The following PABPC4L variants were observed in gnomAD, a reference collection of about 807,000 sequenced individuals.
PABPC4L encodes poly(A) binding protein cytoplasmic 4 like.
For missense variants in PABPC4L, 452 were observed against 451.4 expected, an observed-to-expected ratio of 1.00 and a Z score of -0.01; for synonymous variants, 169 against 164.1, an observed-to-expected ratio of 1.03 and a Z score of -0.23.
chr4:134,011,577 G>T, the PABPC4L span, among the ~76,000 whole-genome samples: 1 of 151,748 alleles, frequency 6.6e-6, no homozygotes, highest in Non-Finnish European at 1.5e-5. Context: ...TCTTAATATA[G>T]GTATATTATT....
chr4:134,094,588 A>G, the PABPC4L span, among the ~76,000 whole-genome samples: 1 of 151,906 alleles, frequency 6.6e-6, no homozygotes, highest in African/African-American at 2.4e-5. Context: ...TTTTCTTAAC[A>G]TAAGGATTAA....
At chr4:134,032,872 G>A in the PABPC4L span, among the ~76,000 whole-genome samples, 1 of 151,878 alleles carries the variant, frequency 6.6e-6, no homozygotes, top group South Asian at 2.1e-4. Context: ...TTTTTATGCT[G>A]TGACCATTAC....
At chr4:134,195,938 G>C (rs1729642267), downstream of PABPC4L, among the ~76,000 whole-genome samples, 1 of 151,412 alleles carries the variant, frequency 6.6e-6, no homozygotes, top group Admixed American at 6.6e-5. Context: ...TTCTACTTTT[G>C]AAAGTGTAGA....
chr4:134,188,246 A>C, the PABPC4L span, among the ~76,000 whole-genome samples: 1 of 152,140 alleles, frequency 6.6e-6, no homozygotes, highest in Non-Finnish European at 1.5e-5. Flanking sequence ...TATGCCCATG[A>C]AGTGGGTAAT....
the PABPC4L span, among the ~76,000 whole-genome samples, chr4:134,050,115 G>T: frequency 6.6e-6 from 1 of 152,038 alleles, no homozygotes; most frequent in Admixed American, 6.6e-5. Flanking sequence ...AAGCAGAGAA[G>T]ATTAAGAAAA....
the PABPC4L span, among the ~76,000 whole-genome samples, chr4:134,152,683 G>C: frequency 6.6e-6 from 1 of 152,066 alleles, no homozygotes; most frequent in Non-Finnish European, 1.5e-5. Flanking sequence ...CACATTTTCA[G>C]GTATCTTTAC....
chr4:134,070,520 T>C, the PABPC4L span, among the ~76,000 whole-genome samples: 1 of 151,632 alleles, frequency 6.6e-6, no homozygotes, highest in Middle Eastern at 3.2e-3. Flanking sequence ...GGTGGCATAG[T>C]GGGGTGGAGG....
At chr4:134,075,024 G>T in the PABPC4L span, among the ~76,000 whole-genome samples, 1 of 152,150 alleles carries the variant, frequency 6.6e-6, no homozygotes, top group Admixed American at 6.6e-5. Flanking sequence ...CTTGGGGAGG[G>T]AGAAAAATGA....
the PABPC4L span, among the ~76,000 whole-genome samples, chr4:134,062,338 T>C: frequency 3.3e-5 from 5 of 152,052 alleles, no homozygotes; most frequent in Admixed American, 2.6e-4. Flanking sequence ...ATTCATTTCC[T>C]AATCCTGTTA....
the PABPC4L span, among the ~76,000 whole-genome samples, chr4:134,138,482 A>AG: frequency 6.6e-6 from 1 of 151,746 alleles, no homozygotes; most frequent in Non-Finnish European, 1.5e-5. Context: ...ATGAAAAAGG[A>AG]GGACTATTTT....
At chr4:134,117,407 A>T in the PABPC4L span, among the ~76,000 whole-genome samples, 1 of 151,798 alleles carries the variant, frequency 6.6e-6, no homozygotes. Flanking sequence ...TGATAACTAC[A>T]TGGAATGATA....
At chr4:134,155,574 T>C in the PABPC4L span, among the ~76,000 whole-genome samples, 2 of 152,150 alleles carry the variant, frequency 1.3e-5, no homozygotes, top group East Asian at 3.9e-4. Context: ...ATAAATAATT[T>C]TTATTTTCAT....
At chr4:134,084,879 C>T in the PABPC4L span, among the ~76,000 whole-genome samples, 1 of 151,886 alleles carries the variant, frequency 6.6e-6, no homozygotes, top group South Asian at 2.1e-4. Context: ...AGATTAGGCT[C>T]ACAAACACAT....
At chr4:134,098,245 A>C in the PABPC4L span, among the ~76,000 whole-genome samples, 1 of 151,780 alleles carries the variant, frequency 6.6e-6, no homozygotes, top group Non-Finnish European at 1.5e-5. Context: ...CTTTATATGA[A>C]TATAGTGTAA....
the PABPC4L span, among the ~76,000 whole-genome samples, chr4:134,057,825 C>T: frequency 6.6e-6 from 1 of 152,126 alleles, no homozygotes; most frequent in East Asian, 1.9e-4. Context: ...TTCTACCTTT[C>T]AGTCTTCTAG....
Position 134,200,519 on chromosome 4 carries a change from C to T in PABPC4L, c.501G>A (p.Val167=). Residue 167 remains valine, a synonymous_variant, in exon 2 of 2, where the codon GTG becomes GTA. Transcript: ENST00000421491. ...MNGKLLKGCK[V]FVGRFKNRKD... ...TTCGGTTTTTGAATCTGCCAACAAA[C>T]ACCTTGCAGCCCTTGAGTAGTTTTC... 6.4e-7 allele frequency: 1 copy of T among 1,551,648 alleles called. No individual in the cohort carries two copies. Among genetic ancestry groups the T allele is most frequent in the Non-Finnish European group, 8.7e-7 (1 of 1,146,982 alleles).
chr4:134,097,709 A>G, the PABPC4L span, among the ~76,000 whole-genome samples: 1 of 151,856 alleles, frequency 6.6e-6, no homozygotes, highest in African/African-American at 2.4e-5. Flanking sequence ...AAAACAAATC[A>G]CGACTCGACT....
chr4:134,177,113 C>A, the PABPC4L span, among the ~76,000 whole-genome samples: 1 of 152,020 alleles, frequency 6.6e-6, no homozygotes, highest in Non-Finnish European at 1.5e-5. Flanking sequence ...CTGCCACACC[C>A]CCACCACTGA....
rs968664581 is a variant in PABPC4L at position 134,199,041 on chromosome 4, G to T, written c.*866C>A. On this transcript the variant is annotated 3_prime_UTR_variant, in exon 2 of 2. Coordinates refer to ENST00000421491, the MANE Select transcript of PABPC4L (RefSeq NM_001114734.2). ...TTTTTAAACAGAATTTCTATAATCTGTATGTATGATTTTCATAATATTAGC... is the reference window on the plus strand; with the variant it reads ...TTTTTAAACAGAATTTCTATAATCTTTATGTATGATTTTCATAATATTAGC... The T allele has an allele frequency of 6.6e-6, 1 of 151,980 alleles. No homozygotes were observed. The highest frequency in any genetic ancestry group is 2.4e-5 in the African/African-American group (1 of 41,426). 9.4% of individuals were successfully genotyped at this position (151,980 alleles called of 1,614,324 possible).
Sources: gnomAD v4.1 joint callset for allele counts (sites outside exome capture counted in the v4.1 genomes callset) on GRCh38, gnomAD v4.1.1 for gene constraint, MANE v1.5 for transcripts, NCBI Gene and HGNC (gene_info 2026-07-23, HGNC 2026-07-21) for gene names.